The following CUL3 variants were observed in gnomAD, a reference collection of about 807,000 sequenced individuals.
The protein encoded by CUL3 is cullin-3.
Under a neutral mutation model 89.1 loss-of-function variants are expected in CUL3, and 19 were observed. The observed-to-expected ratio is 0.21, with a 90% CI of 0.15 to 0.31. CUL3 has a LOEUF of 0.31. Among genes scored for constraint, CUL3 ranks in the 10% least tolerant of loss-of-function variants. CUL3 has a pLI of 1.00. For missense variants in CUL3, 469 were observed against 942.3 expected (o/e 0.50, Z 6.58); for synonymous variants, 351 against 308.4 (o/e 1.14, Z -1.45).
intron 1 of CUL3, among the ~76,000 whole-genome samples, chr2:224,584,221 C>G (rs914061701): frequency 6.6e-6 from 1 of 152,206 alleles, no homozygotes; most frequent in Non-Finnish European, 1.5e-5. Context: ...TACACTCATT[C>G]TTTGGGCTCC....
chr2:224,535,480 A>G (rs1693863120), intron 3 of CUL3, 48 bp downstream of exon 3: 3 of 1,344,622 alleles, frequency 2.2e-6, no homozygotes, highest in Non-Finnish European at 3.0e-6. Context: ...TTCAACTTCA[A>G]ATGCTTAACT....
intron 8 of CUL3, among the ~76,000 whole-genome samples, chr2:224,505,105 A>G (rs1280966600): frequency 6.6e-6 from 1 of 151,602 alleles, no homozygotes; most frequent in Admixed American, 6.6e-5. Context: ...CATAAAAATG[A>G]CTGTTTACCA....
At chr2:224,502,575 C>A (rs1692433515) in intron 10 of CUL3, among the ~76,000 whole-genome samples, 1 of 152,126 alleles carries the variant, frequency 6.6e-6, no homozygotes, top group Non-Finnish European at 1.5e-5. Context: ...ATAGGAAGGT[C>A]AGGTGACTAT....
At chr2:224,474,427 T>A in intron 15 of CUL3, 51 bp from the exon 16 acceptor site, 1 of 1,501,848 alleles carries the variant, frequency 6.7e-7, no homozygotes. Flanking sequence ...AAAATTCGTA[T>A]CTTTGAACAG....
At chr2:224,570,455 T>G (rs998407996) in intron 1 of CUL3, among the ~76,000 whole-genome samples, 2 of 152,232 alleles carry the variant, frequency 1.3e-5, no homozygotes, top group Non-Finnish European at 2.9e-5. Context: ...TGAAAGCATC[T>G]GGCACACAGC....
chr2:224,532,854 G>C (rs1206696840), intron 3 of CUL3: 1 of 152,150 alleles, frequency 6.6e-6, no homozygotes, highest in African/African-American at 2.4e-5. Context: ...AGCACAGGTT[G>C]AGATGTGGCC....
At chr2:224,526,853 T>G (rs549375325) in intron 3 of CUL3, among the ~76,000 whole-genome samples, 2 of 151,214 alleles carry the variant, frequency 1.3e-5, no homozygotes, top group Non-Finnish European at 2.9e-5. Flanking sequence ...TCTATTAATC[T>G]GTTTCAGATA....
At chr2:224,522,323 A>G (rs1693298131) in intron 3 of CUL3, among the ~76,000 whole-genome samples, 1 of 152,226 alleles carries the variant, frequency 6.6e-6, no homozygotes, top group Non-Finnish European at 1.5e-5. Context: ...GTGGGGGAAA[A>G]AAAGTCTAAT....
intron 1 of CUL3, among the ~76,000 whole-genome samples, chr2:224,579,850 T>C (rs1423277070): frequency 6.6e-6 from 1 of 152,236 alleles, no homozygotes; most frequent in African/African-American, 2.4e-5. Flanking sequence ...TTATTACCGT[T>C]TGATACAGGA....
chr2:224,489,080 C>A lies in CUL3; in HGVS notation c.1842+6752G>T, dbSNP rs1373580475. 2.0e-5 allele frequency among the ~76,000 whole-genome samples: 3 copies of A among 152,184 alleles called. No homozygotes were observed. The East Asian group carries it at 5.8e-4, about 29-fold the overall frequency. On this transcript the variant is annotated intron_variant, in intron 13 of 15. Transcript: ENST00000264414. Reference sequence around the variant, plus strand: ...TCAACACCCCTTGCTGCTAAGAACACTGAATAAACTAGGTATTGAACATAT... The same window carrying A: ...TCAACACCCCTTGCTGCTAAGAACAATGAATAAACTAGGTATTGAACATAT...
chr2:224,568,965 C>T lies in CUL3; in HGVS notation c.67-11109G>A, dbSNP rs543294702. 2.0e-5 allele frequency among the ~76,000 whole-genome samples: 3 copies of T among 152,138 alleles called. No individual in the cohort carries two copies. In the South Asian group the frequency reaches 6.2e-4, roughly 31 times the overall value. ...CCTGACACAGAAGCAACATTAACTG[C>T]TACTGAAAAATTTTTTAAATGCCTA... On this transcript the variant is annotated intron_variant, in intron 1 of 15. Transcript: ENST00000264414.
chr2:224,478,211 G>A lies in CUL3; in HGVS notation c.2164C>T (p.Leu722=), dbSNP rs1378177790. Residue 722 remains leucine, a synonymous_variant, in exon 15 of 16, where the codon CTA becomes TTA. Transcript: ENST00000264414. ...KSRKKMQHNV[L]VAEVTQQLKA... ...TGAAGAGTCCTCACCTCCGCTACTAGAACATTGTGCTGCATCTTCTTTCTA... is the reference window on the plus strand; with the variant it reads ...TGAAGAGTCCTCACCTCCGCTACTAAAACATTGTGCTGCATCTTCTTTCTA... The A allele has an allele frequency of 1.2e-6, 2 of 1,612,554 alleles. No homozygotes were observed.
rs1695547782 is a variant in CUL3, at chr2:224,585,038, T to TCA, written c.-31_-30dup. 1 of 1,476,818 alleles carries TCA rather than the reference T, an allele frequency of 6.8e-7. No homozygotes were observed. The highest frequency in any genetic ancestry group is 1.5e-5 in the African/African-American group (1 of 67,658). The allele number at this position is 1,476,818 out of a possible 1,614,324, so 91.5% of individuals were successfully genotyped here. The stretch of plus-strand genomic sequence containing the variant: ...GCTCGTCCCCTCCCCGGCGGCGGCT[T>TCA]CAGGTCGCGCTCCGCGACGCCGGTG... On this transcript the variant is annotated 5_prime_UTR_variant, in exon 1 of 16. Coordinates refer to ENST00000264414, the MANE Select transcript of CUL3 (RefSeq NM_003590.5).
In CUL3 at chr2:224,478,042, C is replaced by T. The variant is rs1015511349; in HGVS notation, c.2175+158G>A. On this transcript the variant is annotated intron_variant, in intron 15 of 15. Coordinates refer to ENST00000264414, the MANE Select transcript of CUL3 (RefSeq NM_003590.5). The stretch of plus-strand genomic sequence containing the variant: ...AGTGTGCACATATTTGGATGTATCA[C>T]CATGTTTAGTTACCAAGTGAGTGCC... Among the ~76,000 whole-genome samples the T allele has an allele frequency of 2.0e-5, 3 of 152,138 alleles. No individual in the cohort carries two copies. The East Asian group carries it at 5.8e-4, about 29-fold the overall frequency.
At chr2:224,518,920 C>T (rs546875768) in intron 3 of CUL3, among the ~76,000 whole-genome samples, 12 of 152,330 alleles carry the variant, frequency 7.9e-5, no homozygotes, top group African/African-American at 2.4e-4. Context: ...CCTACAATGT[C>T]TGCTATCTTA....
chr2:224,528,281 T>C (rs1373184779), intron 3 of CUL3, among the ~76,000 whole-genome samples: 1 of 152,172 alleles, frequency 6.6e-6, no homozygotes, highest in Admixed American at 6.5e-5. Flanking sequence ...CTGTCTTCTT[T>C]GACTAGTGCC....
intron 3 of CUL3, among the ~76,000 whole-genome samples, chr2:224,529,167 A>G (rs966267341): frequency 6.6e-6 from 1 of 152,204 alleles, no homozygotes; most frequent in Non-Finnish European, 1.5e-5. Flanking sequence ...GATTGTATCA[A>G]TAATTCAGGC....
chr2:224,500,422 T>C lies in CUL3; in HGVS notation c.1551A>G (p.Ser517=), dbSNP rs1030488899. 1.9e-6 allele frequency: 3 copies of C among 1,614,080 alleles called. No individual in the cohort carries two copies. Among genetic ancestry groups the C allele is most frequent in the Non-Finnish European group, 2.5e-6 (3 of 1,179,926 alleles). The change falls in exon 11 of 16, where the codon TCA becomes TCG. Residue 517 remains serine, a synonymous_variant. Coordinates refer to ENST00000264414, the MANE Select transcript of CUL3 (RefSeq NM_003590.5). ...GTGGGATGTTGCACTTTGGTGTGGCTGACTGAGTGGGCCAATATCCTGTCG... is the reference window on the plus strand; with the variant it reads ...GTGGGATGTTGCACTTTGGTGTGGCCGACTGAGTGGGCCAATATCCTGTCG... ...VLTTGYWPTQ[S]ATPKCNIPPA... is the part of the protein sequence containing the mutation.
chr2:224,475,234 G>C (rs923699955), intron 15 of CUL3, among the ~76,000 whole-genome samples: 2 of 152,148 alleles, frequency 1.3e-5, no homozygotes, highest in African/African-American at 4.8e-5. Context: ...AGCCAGGATG[G>C]TCTCGATCTC....
Sources: gnomAD v4.1 joint callset for allele counts (sites outside exome capture counted in the v4.1 genomes callset) on GRCh38, gnomAD v4.1.1 for gene constraint, MANE v1.5 for transcripts, NCBI Gene and HGNC (gene_info 2026-07-23, HGNC 2026-07-21) for gene names.